HDAC9: variants seen among roughly 807,000 people sequenced by gnomAD.
HDAC9 encodes MEF-2 interacting transcription repressor (MITR) protein.
In HDAC9, 41 loss-of-function variants were observed where a neutral mutation model predicts 139.4. The ratio of observed to expected loss-of-function variants is 0.29; its 90% CI spans 0.23 to 0.38. The LOEUF (loss-of-function observed/expected upper bound fraction) is 0.38. HDAC9 is among the 10% of genes least tolerant of loss of function. The pLI, the probability that HDAC9 is intolerant of heterozygous loss-of-function variation, is 1.00. For synonymous variants in HDAC9, 517 were observed against 476.2 expected, an observed-to-expected ratio of 1.09 and a Z score of -1.12; for missense variants, 1,147 against 1,297.0, an observed-to-expected ratio of 0.88 and a Z score of 1.78.
chr7:18,320,420 C>T (rs1279411977), intron 1 of HDAC9, among the ~76,000 whole-genome samples: 1 of 152,130 alleles, frequency 6.6e-6, no homozygotes, highest in African/African-American at 2.4e-5. Context: ...GGAATAAAAT[C>T]CTTTGTACCG....
In HDAC9 at chr7:18,987,666, G is replaced by A. The variant is rs1213624348; in HGVS notation, c.3171-8357G>A. Among the ~76,000 whole-genome samples, 4 of 152,138 alleles carry A rather than the reference G, an allele frequency of 2.6e-5. No homozygotes were observed. The South Asian group carries it at 6.2e-4, about 24-fold the overall frequency. On this transcript the variant is annotated intron_variant, in intron 25 of 25. Transcript: ENST00000686413. Reference sequence around the variant, plus strand: ...GGTACCAGTTCCTCCTTGTACCTCTGGTAGAATTCGGCTGTGAATCCATCT... The same window carrying A: ...GGTACCAGTTCCTCCTTGTACCTCTAGTAGAATTCGGCTGTGAATCCATCT...
At chr7:18,786,847 C>T (rs1791864160) in intron 16 of HDAC9, among the ~76,000 whole-genome samples, 1 of 135,608 alleles carries the variant, frequency 7.4e-6, no homozygotes, top group African/African-American at 2.9e-5. Context: ...TTCCTTCCTT[C>T]CTTCCTTCTC....
At chr7:18,195,775 A>G (rs913299945) in intron 2 of HDAC9, among the ~76,000 whole-genome samples, 2 of 152,100 alleles carry the variant, frequency 1.3e-5, no homozygotes, top group African/African-American at 4.8e-5. Flanking sequence ...GCCATATCGT[A>G]TATGGGCTCT....
At chr7:18,543,518 TC>T (rs1813702171) in intron 2 of HDAC9, 1 of 152,234 alleles carries the variant, frequency 6.6e-6, no homozygotes, top group Admixed American at 6.5e-5. Flanking sequence ...ATCACCCTGT[TC>T]AGATGCACAT....
At chr7:18,993,758 A>G (rs940437639) in intron 25 of HDAC9, among the ~76,000 whole-genome samples, 7 of 152,068 alleles carry the variant, frequency 4.6e-5, no homozygotes, top group African/African-American at 1.4e-4. Flanking sequence ...AGCTGTGACT[A>G]TGCCACTGCA....
At chr7:18,591,831 G>T in intron 5 of HDAC9, among the ~76,000 whole-genome samples, 189 bp downstream of exon 5, 1 of 152,082 alleles carries the variant, frequency 6.6e-6, no homozygotes, top group East Asian at 1.9e-4. Flanking sequence ...GCCCTCTAGG[G>T]TTGCTGGCAC....
At chr7:18,702,140 C>T (rs1248791712) in intron 12 of HDAC9, among the ~76,000 whole-genome samples, 1 of 152,170 alleles carries the variant, frequency 6.6e-6, no homozygotes, top group African/African-American at 2.4e-5. Context: ...CTCGCTGACC[C>T]GTGAAAAGGG....
At chr7:18,197,809 C>G (rs974277300) in intron 2 of HDAC9, among the ~76,000 whole-genome samples, 7 of 152,084 alleles carry the variant, frequency 4.6e-5, no homozygotes, top group Non-Finnish European at 5.9e-5. Flanking sequence ...ATTGTTTTTT[C>G]TTCATTTTCC....
Position 18,789,284 on chromosome 7 carries a change from A to ACG in HDAC9, c.2215-4059_2215-4058dup, listed in dbSNP as rs969065928. On this transcript the variant is annotated intron_variant, in intron 16 of 25. Coordinates refer to ENST00000686413, the MANE Select transcript of HDAC9 (RefSeq NM_178425.4). ...CCTTAATGCACACGCAGACACATAC[A>ACG]CGCACACACACACACACACACACAC... Among the ~76,000 whole-genome samples the ACG allele has an allele frequency of 4.7e-4, 65 of 139,486 alleles. 1 individual carries two copies. Among genetic ancestry groups the ACG allele is most frequent in the African/African-American group, 1.2e-3 (44 of 36,850 alleles). The allele number at this position is 139,486 out of a possible 152,430, so 91.5% of individuals were successfully genotyped here.
At chr7:18,348,501 C>G (rs1382673391) in intron 1 of HDAC9, among the ~76,000 whole-genome samples, 1 of 151,988 alleles carries the variant, frequency 6.6e-6, no homozygotes, top group African/African-American at 2.4e-5. Context: ...CTGAAAAATA[C>G]CACTGTTTTT....
chr7:18,246,396 G>A (rs2128194029), intron 2 of HDAC9, among the ~76,000 whole-genome samples: 1 of 152,026 alleles, frequency 6.6e-6, no homozygotes, highest in Non-Finnish European at 1.5e-5. Context: ...ACCATTTTTA[G>A]TGTACGATTC....
intron 12 of HDAC9, among the ~76,000 whole-genome samples, chr7:18,718,505 T>A (rs1272398316): frequency 6.6e-6 from 1 of 152,196 alleles, no homozygotes; most frequent in Non-Finnish European, 1.5e-5. Flanking sequence ...AGTGTTAGGA[T>A]TACAGGTGTG....
intron 14 of HDAC9, among the ~76,000 whole-genome samples, chr7:18,756,542 C>T (rs1788893615): frequency 6.6e-6 from 1 of 152,168 alleles, no homozygotes; most frequent in South Asian, 2.1e-4. Context: ...ATTTGCTTGC[C>T]TAAGGCAAAT....
Position 18,667,428 on chromosome 7 carries a change from G to A in HDAC9, c.1731+952G>A, listed in dbSNP as rs1584792144. The A allele has an allele frequency of 4.1e-6, 4 of 983,928 alleles. No individual in the cohort carries two copies. In the African/African-American group the frequency reaches 7.0e-5, roughly 17 times the overall value. The allele number at this position is 983,928 out of a possible 1,614,324, so 60.9% of individuals were successfully genotyped here. A position where few individuals can be genotyped will look rare whatever the true frequency, so the allele number is the denominator to read the frequency against. On this transcript the variant is annotated intron_variant, in intron 12 of 25. Transcript: ENST00000686413. Reference sequence around the variant, plus strand: ...TAAGTATAATTCCATAATGACATGGGCATATACCGTAACATTCTGGCAAAT... The same window carrying A: ...TAAGTATAATTCCATAATGACATGGACATATACCGTAACATTCTGGCAAAT...
At chr7:18,618,501 T>C (rs1279434000) in intron 6 of HDAC9, among the ~76,000 whole-genome samples, 1 of 151,864 alleles carries the variant, frequency 6.6e-6, no homozygotes, top group East Asian at 1.9e-4. Flanking sequence ...CTGGGAGTAA[T>C]TCCATGCTGT....
chr7:18,551,097 C>G (rs1271063568), intron 2 of HDAC9, among the ~76,000 whole-genome samples: 1 of 152,072 alleles, frequency 6.6e-6, no homozygotes, highest in African/African-American at 2.4e-5. Flanking sequence ...GAATTTAATA[C>G]AGATTGTGAG....
At chr7:18,272,956 CTACTACTACTAT>C (rs1236415897) in intron 2 of HDAC9, among the ~76,000 whole-genome samples, 5 of 144,786 alleles carry the variant, frequency 3.5e-5, no homozygotes, top group Non-Finnish European at 6.1e-5. Flanking sequence ...ACTACTACTA[CTACTACTACTAT>C]TTCTTCCTCC....
chr7:18,888,348 C>T (rs1291721238), intron 22 of HDAC9, among the ~76,000 whole-genome samples: 2 of 152,184 alleles, frequency 1.3e-5, no homozygotes, highest in Non-Finnish European at 2.9e-5. Flanking sequence ...TGGCGTGAAC[C>T]CGGGAGGCGG....
chr7:18,399,688 A>T (rs965716238), intron 1 of HDAC9, among the ~76,000 whole-genome samples: 1 of 152,176 alleles, frequency 6.6e-6, no homozygotes, highest in Non-Finnish European at 1.5e-5. Context: ...AGAGAACTGG[A>T]GCTGCTTCCC....
Sources: allele counts gnomAD v4.1 joint callset (sites outside exome capture counted in the v4.1 genomes callset), GRCh38; gene constraint gnomAD v4.1.1; transcripts MANE v1.5; gene names NCBI Gene and HGNC (gene_info 2026-07-23, HGNC 2026-07-21).